Variants in AGBL1 observed in about 807,000 individuals in gnomAD.
AGBL1 encodes cytosolic carboxypeptidase 4.
A neutral mutation model predicts 118.9 loss-of-function variants in AGBL1; 130 were observed. That is an observed-to-expected ratio of 1.09 (90% CI 0.95 to 1.26). AGBL1 has a LOEUF of 1.26. Among genes scored for constraint, AGBL1 ranks in the 50% most tolerant of loss-of-function variants. The pLI is 0.00. For synonymous variants in AGBL1, 555 were observed against 478.9 expected (o/e 1.16, Z -2.08); for missense variants, 1,584 against 1,298.1 (o/e 1.22, Z -3.38).
chr15:86,185,348 T>C (rs139542258), intron 5 of AGBL1, among the ~76,000 whole-genome samples: 2,279 of 152,254 alleles, frequency 0.015, 66 homozygotes, highest in African/African-American at 0.053. Context: ...GATAGTGTGG[T>C]GATTCCTCAA....
intron 21 of AGBL1, among the ~76,000 whole-genome samples, chr15:86,673,643 T>G (rs1488601646): frequency 6.6e-6 from 1 of 152,214 alleles, no homozygotes; most frequent in Non-Finnish European, 1.5e-5. Flanking sequence ...GAAGGGTATT[T>G]GGCATGCAGT....
intron 18 of AGBL1, among the ~76,000 whole-genome samples, chr15:86,448,365 T>C (rs115058120): frequency 0.027 from 4,053 of 152,278 alleles, 91 homozygotes; most frequent in Middle Eastern, 0.075. Context: ...ACGTCGATTA[T>C]CTCAGGTCAG....
intron 22 of AGBL1, among the ~76,000 whole-genome samples, chr15:86,865,412 C>G (rs1039745383): frequency 6.6e-6 from 1 of 152,152 alleles, no homozygotes; most frequent in Non-Finnish European, 1.5e-5. Context: ...TGGAGGTACC[C>G]TTTGTTGAAA....
intron 18 of AGBL1, among the ~76,000 whole-genome samples, chr15:86,419,485 G>T (rs2081754513): frequency 6.6e-6 from 1 of 152,030 alleles, no homozygotes; most frequent in South Asian, 2.1e-4. Flanking sequence ...AATCCCTTGG[G>T]TGCCTACACC....
intron 17 of AGBL1, among the ~76,000 whole-genome samples, chr15:86,394,100 A>G (rs2081328253): frequency 6.6e-6 from 1 of 152,160 alleles, no homozygotes; most frequent in Non-Finnish European, 1.5e-5. Flanking sequence ...GGAAGCCCAG[A>G]AAAAGTAAGA....
intron 24 of AGBL1, among the ~76,000 whole-genome samples, chr15:87,002,159 G>C (rs977621317): frequency 1.3e-5 from 2 of 152,012 alleles, no homozygotes; most frequent in African/African-American, 4.8e-5. Flanking sequence ...TTTTGTATAA[G>C]GTATAAGGAA....
chr15:86,292,018 A>C (rs547754715), intron 16 of AGBL1, among the ~76,000 whole-genome samples: 2 of 152,328 alleles, frequency 1.3e-5, no homozygotes, highest in South Asian at 4.2e-4. Context: ...GAACATCACA[A>C]GAACAACCTG....
intron 22 of AGBL1, among the ~76,000 whole-genome samples, chr15:86,682,244 C>T (rs1312349711): frequency 3.3e-5 from 5 of 152,144 alleles, no homozygotes. Flanking sequence ...TGCTTTAAAA[C>T]ATTAAATGGC....
chr15:86,974,924 A>T (rs1211640799), intron 23 of AGBL1, among the ~76,000 whole-genome samples: 2 of 151,942 alleles, frequency 1.3e-5, no homozygotes, highest in African/African-American at 4.8e-5. Context: ...AAGCAGAATA[A>T]TGTTGCAGGG....
intron 18 of AGBL1, among the ~76,000 whole-genome samples, chr15:86,436,000 A>T (rs2081996038): frequency 6.6e-6 from 1 of 152,042 alleles, no homozygotes; most frequent in African/African-American, 2.4e-5. Context: ...AGTCCAAGGA[A>T]TATTTAAATT....
rs531488806 is a variant in AGBL1 at position 86,275,890 on chromosome 15, T to C, written c.2076-3749T>C. Among the ~76,000 whole-genome samples the C allele has an allele frequency of 2.1e-4, 32 of 152,320 alleles. 1 individual carries two copies. The East Asian group carries it at 5.8e-3, about 28-fold the overall frequency. On this transcript the variant is annotated intron_variant, in intron 15 of 22. Transcript: ENST00000614907. ...CCACCACTCATTAATGGCGTGACCT[T>C]GGGCAAATTATACCAACTTCTTTCA...
chr15:86,605,014 C>T (rs547466212), intron 21 of AGBL1, among the ~76,000 whole-genome samples: 12 of 152,150 alleles, frequency 7.9e-5, no homozygotes, highest in South Asian at 6.2e-4. Flanking sequence ...AGGCTGGTCT[C>T]GAACTCCCAA....
intron 17 of AGBL1, among the ~76,000 whole-genome samples, chr15:86,362,138 G>C (rs973861132): frequency 1.3e-5 from 2 of 152,084 alleles, no homozygotes; most frequent in African/African-American, 4.8e-5. Flanking sequence ...TTATCTTACA[G>C]TTATAACACT....
chr15:86,753,401 T>TTC (rs1555446760), intron 22 of AGBL1, among the ~76,000 whole-genome samples: 29 of 114,674 alleles, frequency 2.5e-4, no homozygotes, highest in Non-Finnish European at 3.6e-4. Flanking sequence ...CTTTTTCTTT[T>TTC]TTTTTTTTTT....
chr15:86,184,601 T>C (rs2077602941), intron 5 of AGBL1, among the ~76,000 whole-genome samples: 2 of 152,138 alleles, frequency 1.3e-5, no homozygotes, highest in Non-Finnish European at 1.5e-5. Context: ...CACTTTCAGG[T>C]ACACAAATCA....
At chr15:86,671,803 A>G (rs1340265343) in intron 21 of AGBL1, among the ~76,000 whole-genome samples, 1 of 152,224 alleles carries the variant, frequency 6.6e-6, no homozygotes. Flanking sequence ...ATGCCTCTCC[A>G]CGTCCACTCA....
intron 18 of AGBL1, among the ~76,000 whole-genome samples, chr15:86,454,450 G>C (rs1028295780): frequency 1.3e-5 from 2 of 152,134 alleles, no homozygotes; most frequent in Non-Finnish European, 1.5e-5. Flanking sequence ...CCACATGATT[G>C]CTCATAGCAG....
rs140956230 is a variant in AGBL1 at position 86,524,791 on chromosome 15, G to C, written c.2685+1852G>C. On this transcript the variant is annotated intron_variant, in intron 19 of 22. Transcript: ENST00000614907. ...CATTCAAGGGACAGATCTTATTTCA[G>C]AGTGTGCAGGATTTGAACCCTCTAG... Among the ~76,000 whole-genome samples, 89 of 152,306 alleles carry C rather than the reference G, an allele frequency of 5.8e-4. 1 individual carries two copies. Among genetic ancestry groups the C allele is most frequent in the African/African-American group, 2.0e-3 (84 of 41,566 alleles).
chr15:86,320,791 A>G (rs1350371013), intron 17 of AGBL1, among the ~76,000 whole-genome samples: 1 of 151,956 alleles, frequency 6.6e-6, no homozygotes, highest in African/African-American at 2.4e-5. Context: ...CCCACTTGCT[A>G]TAAGATTTTT....
Sources: gnomAD v4.1 joint callset for allele counts (sites outside exome capture counted in the v4.1 genomes callset) on GRCh38, gnomAD v4.1.1 for gene constraint, MANE v1.5 for transcripts, NCBI Gene and HGNC (gene_info 2026-07-23, HGNC 2026-07-21) for gene names.